SMS: variants seen among roughly 807,000 people sequenced by gnomAD.
SMS encodes spermine synthase.
A neutral mutation model predicts 33.0 loss-of-function variants in SMS; 3 were observed. That is an observed-to-expected ratio of 0.09 (90% CI 0.04 to 0.23). The LOEUF is 0.23. SMS is among the 10% of genes least tolerant of loss of function. SMS has a pLI of 1.00. For synonymous variants in SMS, 103 were observed against 112.2 expected (o/e 0.92, Z 0.52); for missense variants, 117 against 288.6 (o/e 0.41, Z 4.31).
intron 1 of SMS, chrX:21,959,932 A>G (rs1447721559): frequency 2.5e-5 from 19 of 754,289 alleles, no homozygotes; most frequent in Non-Finnish European, 2.8e-5. Context: ...GGAGCAGGCA[A>G]GAAGGGGCCG....
chrX:21,976,881 T>C (rs1417277784), intron 4 of SMS, among the ~76,000 whole-genome samples, 180 bp from the exon 5 acceptor site: 7 of 112,491 alleles, frequency 6.2e-5, no homozygotes, highest in African/African-American at 2.3e-4. Context: ...CTGTGTACAA[T>C]AGTTGTCAAC....
intron 1 of SMS, among the ~76,000 whole-genome samples, chrX:21,966,021 C>A (rs1292844496): frequency 8.9e-6 from 1 of 111,991 alleles, no homozygotes; most frequent in Non-Finnish European, 1.9e-5. Context: ...CTCTAAACTT[C>A]CCGTTTGTAG....
chrX:21,964,318 G>A (rs944560628), intron 1 of SMS, among the ~76,000 whole-genome samples: 1 of 111,083 alleles, frequency 9.0e-6, no homozygotes, highest in Admixed American at 9.6e-5. Context: ...TGGATTCTGC[G>A]CTGGTAGTTT....
At chrX:21,990,688 A>G (rs1602225895) in intron 9 of SMS, among the ~76,000 whole-genome samples, 1 of 112,653 alleles carries the variant, frequency 8.9e-6, no homozygotes. Context: ...AAGTCTTCCC[A>G]TATAACCTCT....
chrX:21,980,342 G>A (rs1330537948), intron 7 of SMS, among the ~76,000 whole-genome samples: 1 of 103,539 alleles, frequency 9.7e-6, no homozygotes, highest in South Asian at 4.4e-4. Context: ...GCTTGAACCC[G>A]GAAGGTGGAG....
chrX:21,977,691 A>T (rs1186137819), intron 5 of SMS, among the ~76,000 whole-genome samples: 2 of 111,882 alleles, frequency 1.8e-5, no homozygotes, highest in Non-Finnish European at 3.8e-5. Flanking sequence ...GTAAAGATGT[A>T]ATTGCTTTTA....
chrX:21,990,428 C>G (rs1021175148), intron 9 of SMS, among the ~76,000 whole-genome samples: 1 of 112,811 alleles, frequency 8.9e-6, no homozygotes, highest in Non-Finnish European at 1.9e-5. Context: ...CTTGTTCCAT[C>G]CCTTCTTCTT....
intron 1 of SMS, among the ~76,000 whole-genome samples, chrX:21,953,650 T>C (rs780182920): frequency 3.0e-4 from 34 of 112,586 alleles, no homozygotes; most frequent in Non-Finnish European, 5.4e-4. Context: ...TAGTTTGTGT[T>C]TTTAGAGGAA....
At chrX:21,952,421 G>GTTTTTTTT (rs545894421) in intron 1 of SMS, among the ~76,000 whole-genome samples, 2 of 33,472 alleles carry the variant, frequency 6.0e-5, no homozygotes, top group Non-Finnish European at 9.8e-5. Flanking sequence ...TTGTTTGTTT[G>GTTTTTTTT]TTTTTTTTTT....
At chrX:21,962,506 G>A (rs1474807679) in intron 1 of SMS, among the ~76,000 whole-genome samples, 1 of 111,034 alleles carries the variant, frequency 9.0e-6, no homozygotes, top group Admixed American at 9.6e-5. Flanking sequence ...TTTTGTGTTG[G>A]GTGATTTAGA....
chrX:21,992,623 A>G lies in SMS; in HGVS notation c.972A>G (p.Ala324=). 1 of 1,203,256 alleles carries G rather than the reference A, an allele frequency of 8.3e-7. No homozygotes were observed. Among genetic ancestry groups the G allele is most frequent in the Non-Finnish European group, 1.1e-6 (1 of 888,947 alleles). The part of the protein sequence containing the change: ...TQGNCVNLTE[A]LSLYEEQLGR... ...GGAACTGTGTCAATCTGACAGAAGC[A>G]CTGTCGCTCTATGAAGAACAGCTGG... Residue 324 remains alanine (A), a synonymous_variant, in exon 10 of 11, where the codon GCA becomes GCG. Coordinates refer to ENST00000404933, the MANE Select transcript of SMS (RefSeq NM_004595.5).
At chrX:21,947,197 G>A (rs1014199656) in intron 1 of SMS, among the ~76,000 whole-genome samples, 6 of 111,668 alleles carry the variant, frequency 5.4e-5, no homozygotes, top group East Asian at 5.6e-4. Flanking sequence ...CCTTCCTCCC[G>A]CTCCTTCAGC....
At chrX:21,956,155 C>T (rs899087434) in intron 1 of SMS, among the ~76,000 whole-genome samples, 2 of 112,683 alleles carry the variant, frequency 1.8e-5, no homozygotes, top group Non-Finnish European at 3.8e-5. Flanking sequence ...ACATGGCTTC[C>T]CTTAGTGCAT....
intron 2 of SMS, 31 bp downstream of exon 2, chrX:21,967,347 C>T (rs1923804828): frequency 8.3e-7 from 1 of 1,200,636 alleles, no homozygotes; most frequent in South Asian, 1.8e-5. Context: ...TTCTTCATAC[C>T]TGGTCACTTA....
At chrX:21,941,249 A>T (rs1207738425) in intron 1 of SMS, 1 of 121,476 alleles carries the variant, frequency 8.2e-6, no homozygotes, top group East Asian at 3.0e-4. Context: ...CGGACCCCCC[A>T]TGGGACGAGG....
intron 1 of SMS, among the ~76,000 whole-genome samples, chrX:21,958,584 C>G (rs144094040): frequency 0.013 from 1,440 of 112,608 alleles, 26 homozygotes; most frequent in African/African-American, 0.044. Context: ...AAAAACAAAC[C>G]CTGTGCCCCT....
chrX:21,944,022 A>G (rs1027909290), intron 1 of SMS, among the ~76,000 whole-genome samples: 8 of 110,947 alleles, frequency 7.2e-5, no homozygotes, highest in African/African-American at 2.3e-4. Flanking sequence ...TTCCAGTTCC[A>G]TGATGTGATT....
At chrX:21,941,715 T>A (rs1227205966) in intron 1 of SMS, among the ~76,000 whole-genome samples, 3 of 105,927 alleles carry the variant, frequency 2.8e-5, no homozygotes, top group Non-Finnish European at 5.8e-5. Flanking sequence ...TGAAACCCCG[T>A]CTCTTCTAAA....
intron 1 of SMS, among the ~76,000 whole-genome samples, chrX:21,954,513 C>A (rs1922841594): frequency 8.9e-6 from 1 of 112,153 alleles, no homozygotes; most frequent in Non-Finnish European, 1.9e-5. Context: ...GCACGGCCAT[C>A]TCTGTGTTTG....
Sources: allele counts gnomAD v4.1 joint callset (sites outside exome capture counted in the v4.1 genomes callset), GRCh38; gene constraint gnomAD v4.1.1; transcripts MANE v1.5; gene names NCBI Gene and HGNC (gene_info 2026-07-23, HGNC 2026-07-21).